Variants in DENND1B observed in about 807,000 individuals in gnomAD.
DENND1B encodes DENN domain-containing protein 1B.
In DENND1B, 59 loss-of-function variants were observed where a neutral mutation model predicts 90.1. The ratio of observed to expected loss-of-function variants is 0.65; its 90% CI spans 0.53 to 0.81. The LOEUF is 0.81. DENND1B is among the 40% of genes least tolerant of loss of function. DENND1B has a pLI of 0.00. For missense variants in DENND1B, 862 were observed against 912.6 expected (o/e 0.94, Z 0.71); for synonymous variants, 337 against 324.6 (o/e 1.04, Z -0.41).
intron 13 of DENND1B, among the ~76,000 whole-genome samples, chr1:197,603,726 A>G: frequency 6.6e-6 from 1 of 151,250 alleles, no homozygotes; most frequent in East Asian, 1.9e-4. Context: ...TGAAATAGTA[A>G]CAACCTCCAA....
At chr1:197,536,910 G>A (rs1487664971) in intron 20 of DENND1B, among the ~76,000 whole-genome samples, 3 of 151,862 alleles carry the variant, frequency 2.0e-5, no homozygotes, top group Non-Finnish European at 2.9e-5. Context: ...GCGTGGTGGC[G>A]GGTGCCTGTA....
chr1:197,555,537 T>C (rs1571861447), intron 15 of DENND1B, among the ~76,000 whole-genome samples: 1 of 151,766 alleles, frequency 6.6e-6, no homozygotes, highest in South Asian at 2.1e-4. Flanking sequence ...CCATTAAAAA[T>C]TGGGCAAAGG....
rs1468499685 is a variant in DENND1B, at chr1:197,669,833, CAAT to C, written c.296+2201_296+2203del. Among the ~76,000 whole-genome samples the C allele has an allele frequency of 3.9e-5, 6 of 151,910 alleles. No homozygotes were observed. The East Asian group carries it at 1.2e-3, about 29-fold the overall frequency. ...TATTTTAAATAAAAGATAAAATATTCAATAATACTGTGAAATGTTCTCTTTATT... is the reference window on the plus strand; with the variant it reads ...TATTTTAAATAAAAGATAAAATATTCAATACTGTGAAATGTTCTCTTTATT... On this transcript the variant is annotated intron_variant, in intron 5 of 22. Coordinates refer to ENST00000620048, the MANE Select transcript of DENND1B (RefSeq NM_001195215.2).
intron 3 of DENND1B, among the ~76,000 whole-genome samples, chr1:197,702,233 A>C (rs1659109610): frequency 6.6e-6 from 1 of 152,204 alleles, no homozygotes; most frequent in Non-Finnish European, 1.5e-5. Flanking sequence ...AATTCACATT[A>C]TTAAGGTAAA....
At chr1:197,731,415 C>G (rs1194726905) in intron 2 of DENND1B, among the ~76,000 whole-genome samples, 1 of 151,792 alleles carries the variant, frequency 6.6e-6, no homozygotes, top group African/African-American at 2.4e-5. Context: ...TTTAGGTTGT[C>G]CTAAAAAAAA....
chr1:197,635,283 ATTC>A (rs1390883862), intron 10 of DENND1B, among the ~76,000 whole-genome samples: 5 of 152,168 alleles, frequency 3.3e-5, no homozygotes, highest in African/African-American at 1.2e-4. Flanking sequence ...GATTAAATTT[ATTC>A]TTCAATACAT....
Position 197,573,859 on chromosome 1 carries a change from C to T in DENND1B, c.1149+9293G>A, listed in dbSNP as rs149984642. 5.9e-3 allele frequency among the ~76,000 whole-genome samples: 896 copies of T among 152,194 alleles called. 13 individuals are homozygous for T. The highest frequency in any genetic ancestry group is 0.02 in the African/African-American group (838 of 41,524). ...GAACCAATGAGAGAAACCACATGATCATCTCAATAGATGCAGAAAAGGCCT... is the reference window on the plus strand; with the variant it reads ...GAACCAATGAGAGAAACCACATGATTATCTCAATAGATGCAGAAAAGGCCT... On this transcript the variant is annotated intron_variant, in intron 15 of 22. Coordinates refer to ENST00000620048, the MANE Select transcript of DENND1B (RefSeq NM_001195215.2).
Position 197,549,126 on chromosome 1 carries a change from C to A in DENND1B, c.1241-2353G>T, listed in dbSNP as rs565368526. Among the ~76,000 whole-genome samples the A allele has an allele frequency of 1.2e-4, 19 of 152,244 alleles. No individual in the cohort carries two copies. The South Asian group carries it at 3.9e-3, about 32-fold the overall frequency. The stretch of plus-strand genomic sequence containing the variant: ...TGGATTATGGCAATAATAGGCATTA[C>A]TGAGGAAATTCTTAACATTATTTTT... On this transcript the variant is annotated intron_variant, in intron 16 of 22. Transcript: ENST00000620048.
chr1:197,687,052 G>C (rs1297421914), intron 3 of DENND1B, among the ~76,000 whole-genome samples: 1 of 152,182 alleles, frequency 6.6e-6, no homozygotes, highest in Non-Finnish European at 1.5e-5. Flanking sequence ...TCAATACAAT[G>C]TCTAGCATGT....
At chr1:197,517,292 T>G (rs144372749) in intron 20 of DENND1B, among the ~76,000 whole-genome samples, 1 of 151,818 alleles carries the variant, frequency 6.6e-6, no homozygotes, top group African/African-American at 2.4e-5. Flanking sequence ...AATAACTATT[T>G]GCTGATGAAA....
chr1:197,606,953 C>T (rs1676737148), intron 13 of DENND1B, 120 bp downstream of exon 13: 2 of 691,776 alleles, frequency 2.9e-6, no homozygotes, highest in African/African-American at 1.9e-5. Context: ...ATTTCTCTCA[C>T]ACCCCATGCA....
At chr1:197,567,204 T>C (rs1474775453) in intron 15 of DENND1B, among the ~76,000 whole-genome samples, 1 of 151,936 alleles carries the variant, frequency 6.6e-6, no homozygotes, top group East Asian at 1.9e-4. Flanking sequence ...ACTACAGAAA[T>C]ATAAAGAATC....
At chr1:197,540,288 G>C (rs972494290) in intron 19 of DENND1B, among the ~76,000 whole-genome samples, 5 of 151,498 alleles carry the variant, frequency 3.3e-5, no homozygotes, top group Non-Finnish European at 5.9e-5. Context: ...TATTTATACT[G>C]ATAAATTTAA....
intron 2 of DENND1B, among the ~76,000 whole-genome samples, chr1:197,741,332 C>T (rs74134866): frequency 0.017 from 2,624 of 152,036 alleles, 70 homozygotes; most frequent in African/African-American, 0.058. Flanking sequence ...GATGTATTAC[C>T]CAAAAAAGGG....
chr1:197,576,916 T>C (rs1159309360), intron 15 of DENND1B, among the ~76,000 whole-genome samples: 1 of 152,200 alleles, frequency 6.6e-6, no homozygotes, highest in Non-Finnish European at 1.5e-5. Flanking sequence ...TGTGAGTTCC[T>C]TCACTATTAA....
upstream of DENND1B, among the ~76,000 whole-genome samples, chr1:197,779,670 G>C (rs1657380759): frequency 1.3e-5 from 2 of 151,242 alleles, no homozygotes; most frequent in South Asian, 4.2e-4. Flanking sequence ...CACCCATTTA[G>C]TTTTTAATTT....
intron 15 of DENND1B, among the ~76,000 whole-genome samples, chr1:197,565,161 T>C (rs1334209184): frequency 6.6e-6 from 1 of 152,042 alleles, no homozygotes; most frequent in Non-Finnish European, 1.5e-5. Flanking sequence ...CATGAATCAC[T>C]ATCATGAAAA....
chr1:197,663,977 A>ATT (rs1165285945), intron 5 of DENND1B, among the ~76,000 whole-genome samples: 4 of 151,570 alleles, frequency 2.6e-5, no homozygotes, highest in African/African-American at 9.7e-5. Context: ...AAACAACATC[A>ATT]TTTTTAAAAA....
chr1:197,569,831 T>A (rs1673000470), intron 15 of DENND1B, among the ~76,000 whole-genome samples: 1 of 152,116 alleles, frequency 6.6e-6, no homozygotes, highest in Non-Finnish European at 1.5e-5. Flanking sequence ...GTTCAGGAAT[T>A]CTATTGTTCA....
Sources: gnomAD v4.1 joint callset for allele counts (sites outside exome capture counted in the v4.1 genomes callset) on GRCh38, gnomAD v4.1.1 for gene constraint, MANE v1.5 for transcripts, NCBI Gene and HGNC (gene_info 2026-07-23, HGNC 2026-07-21) for gene names.